SNX18: variants seen among roughly 807,000 people sequenced by gnomAD.
SNX18 encodes the protein sorting nexin-18.
Under a neutral mutation model 48.7 loss-of-function variants are expected in SNX18, and 35 were observed. That is an observed-to-expected ratio of 0.72 (90% CI 0.55 to 0.95). The LOEUF (loss-of-function observed/expected upper bound fraction) is 0.95, where lower values mean the gene tolerates loss of function less well. Among genes scored for constraint, SNX18 ranks in the 40% least tolerant of loss-of-function variants. The probability of loss-of-function intolerance (pLI) is 0.00; values close to 1 mark genes in which losing one functional copy is unlikely to be tolerated. For missense variants in SNX18, 824 were observed against 871.0 expected, an observed-to-expected ratio of 0.95 and a Z score of 0.68; for synonymous variants, 492 against 384.7, an observed-to-expected ratio of 1.28 and a Z score of -3.26.
At chr5:54,638,077 G>C in the SNX18 span, among the ~76,000 whole-genome samples, 2 of 152,168 alleles carry the variant, frequency 1.3e-5, no homozygotes, top group African/African-American at 4.8e-5. Flanking sequence ...AGTCACCAAG[G>C]TGCGGGCTCC....
At chr5:54,642,828 C>G in the SNX18 span, among the ~76,000 whole-genome samples, 1 of 152,108 alleles carries the variant, frequency 6.6e-6, no homozygotes, top group Admixed American at 6.5e-5. Context: ...TCCAGGGCTC[C>G]TGTGGGTATA....
chr5:54,598,010 G>T, the SNX18 span, among the ~76,000 whole-genome samples: 1 of 151,810 alleles, frequency 6.6e-6, no homozygotes, highest in Non-Finnish European at 1.5e-5. Flanking sequence ...TAATAAAGAA[G>T]AAAAAAGAGA....
At chr5:54,642,693 TA>T in the SNX18 span, among the ~76,000 whole-genome samples, 5 of 152,228 alleles carry the variant, frequency 3.3e-5, no homozygotes, top group Non-Finnish European at 5.9e-5. Flanking sequence ...TCTAGCGTCT[TA>T]ACATATTTGG....
chr5:54,591,480 C>A, the SNX18 span, among the ~76,000 whole-genome samples: 147 of 152,340 alleles, frequency 9.6e-4, no homozygotes, highest in African/African-American at 3.3e-3. Context: ...TGTGAGCCAC[C>A]ATGCTCAGCC....
At chr5:54,525,843 T>G (rs1361442460) in intron 1 of SNX18, among the ~76,000 whole-genome samples, 1 of 152,238 alleles carries the variant, frequency 6.6e-6, no homozygotes, top group African/African-American at 2.4e-5. Context: ...TTTAATAGTG[T>G]TCTCTGTCTA....
chr5:54,616,553 A>C, the SNX18 span, among the ~76,000 whole-genome samples: 1 of 152,126 alleles, frequency 6.6e-6, no homozygotes, highest in Non-Finnish European at 1.5e-5. Flanking sequence ...CAGGTGGATC[A>C]CCTGAGGTCA....
At chr5:54,615,862 A>G in the SNX18 span, among the ~76,000 whole-genome samples, 1 of 152,250 alleles carries the variant, frequency 6.6e-6, no homozygotes, top group Non-Finnish European at 1.5e-5. Context: ...GTTGATTAAC[A>G]TGATGAAAGT....
chr5:54,628,511 C>T, the SNX18 span, among the ~76,000 whole-genome samples: 2 of 152,094 alleles, frequency 1.3e-5, no homozygotes, highest in Non-Finnish European at 2.9e-5. Context: ...CCTTCATCAC[C>T]CCCACCTCTT....
the SNX18 span, among the ~76,000 whole-genome samples, chr5:54,626,206 T>C: frequency 6.6e-6 from 1 of 152,360 alleles, no homozygotes; most frequent in Non-Finnish European, 1.5e-5. Flanking sequence ...TTCTGTCTAG[T>C]AAAAAAGAAT....
chr5:54,584,860 G>A, the SNX18 span, among the ~76,000 whole-genome samples: 1 of 152,290 alleles, frequency 6.6e-6, no homozygotes, highest in Admixed American at 6.5e-5. Flanking sequence ...GCTGTCCTGT[G>A]GAAATGCCTC....
At chr5:54,643,717 C>T in the SNX18 span, 2 of 152,276 alleles carry the variant, frequency 1.3e-5, no homozygotes, top group African/African-American at 4.8e-5. Context: ...GTGCACTTTC[C>T]CTGTCTTCCA....
At chr5:54,526,991 A>T (rs1762143685) in intron 1 of SNX18, among the ~76,000 whole-genome samples, 3 of 151,962 alleles carry the variant, frequency 2.0e-5, no homozygotes, top group Admixed American at 1.3e-4. Flanking sequence ...GGGTTTAGCT[A>T]AAGTAAGGCC....
intron 1 of SNX18, among the ~76,000 whole-genome samples, chr5:54,529,005 A>G (rs936329307): frequency 6.6e-6 from 1 of 152,182 alleles, no homozygotes. Context: ...CTGGGTTTAC[A>G]GCTGCTGTTG....
At chr5:54,590,329 C>A in the SNX18 span, among the ~76,000 whole-genome samples, 3 of 152,072 alleles carry the variant, frequency 2.0e-5, no homozygotes, top group Admixed American at 6.5e-5. Flanking sequence ...TAGTTCTAGA[C>A]GGGGGGCATT....
the SNX18 span, among the ~76,000 whole-genome samples, chr5:54,604,668 GA>G: frequency 1.3e-5 from 2 of 152,116 alleles, no homozygotes; most frequent in Non-Finnish European, 2.9e-5. Context: ...TTGGCAAGAT[GA>G]AAAAGTCCTG....
In SNX18 at chr5:54,519,502, C is replaced by A. The variant is rs1447166642; in HGVS notation, c.1550C>A (p.Pro517His). 1 of 1,614,220 alleles carries A rather than the reference C, an allele frequency of 6.2e-7. No homozygotes were observed. Among genetic ancestry groups the A allele is most frequent in the Admixed American group, 1.7e-5 (1 of 60,032 alleles). ...GAGCAGCCCAGGCAGGACCTGGATC[C>A]CGTCATGGACCTATTAGCGCTGTAT... ...FAEQPRQDLD[P>H]VMDLLALYQG... The change falls in exon 1 of 2, where the codon CCC becomes CAC. Residue 517 changes from proline (P) to histidine (H), a missense_variant. Transcript: ENST00000381410.
chr5:54,589,393 C>T, the SNX18 span, among the ~76,000 whole-genome samples: 352 of 152,280 alleles, frequency 2.3e-3, 4 homozygotes, highest in African/African-American at 8.1e-3. Flanking sequence ...GCACGAGGGC[C>T]AGCTTTTCTC....
At chr5:54,593,326 T>G in the SNX18 span, among the ~76,000 whole-genome samples, 1 of 152,168 alleles carries the variant, frequency 6.6e-6, no homozygotes, top group Non-Finnish European at 1.5e-5. Context: ...AAGTAAAAAG[T>G]CTTTCTTGAC....
the SNX18 span, among the ~76,000 whole-genome samples, chr5:54,581,958 C>T: frequency 6.6e-6 from 1 of 152,194 alleles, no homozygotes; most frequent in Admixed American, 6.5e-5. Flanking sequence ...GCTCACCAGA[C>T]TGAGCTTGGG....
Sources: gnomAD v4.1 joint callset for allele counts (sites outside exome capture counted in the v4.1 genomes callset) on GRCh38, gnomAD v4.1.1 for gene constraint, MANE v1.5 for transcripts, NCBI Gene and HGNC (gene_info 2026-07-23, HGNC 2026-07-21) for gene names.